PTPRD: variants seen among roughly 807,000 people sequenced by gnomAD.
PTPRD encodes the protein protein tyrosine phosphatase receptor type D.
A neutral mutation model predicts 214.5 loss-of-function variants in PTPRD; 34 were observed. That is an observed-to-expected ratio of 0.16 (90% CI 0.12 to 0.21). PTPRD has a LOEUF of 0.21. Among genes scored for constraint, PTPRD ranks in the 10% least tolerant of loss-of-function variants. The pLI is 1.00. For synonymous variants in PTPRD, 1,128 were observed against 845.7 expected (o/e 1.33, Z -5.79); for missense variants, 2,545 against 2,398.7 (o/e 1.06, Z -1.27).
intron 8 of PTPRD, among the ~76,000 whole-genome samples, chr9:9,438,855 T>C (rs111966292): frequency 6.6e-5 from 10 of 152,164 alleles, no homozygotes; most frequent in South Asian, 6.2e-4. Context: ...AAATGTATCA[T>C]TTGTATAAAT....
chr9:9,501,465 T>TTTA (rs1377956505), intron 8 of PTPRD, among the ~76,000 whole-genome samples: 3 of 151,846 alleles, frequency 2.0e-5, no homozygotes, highest in Non-Finnish European at 2.9e-5. Flanking sequence ...AGAGTTTAAA[T>TTTA]ATCTATAAAA....
chr9:9,031,049 G>A (rs542298292), intron 10 of PTPRD, among the ~76,000 whole-genome samples: 16 of 151,930 alleles, frequency 1.1e-4, no homozygotes, highest in Non-Finnish European at 1.8e-4. Flanking sequence ...TAAAATGGAC[G>A]TGGAAATAGG....
At chr9:8,999,412 G>C (rs563489467) in intron 11 of PTPRD, among the ~76,000 whole-genome samples, 8 of 152,146 alleles carry the variant, frequency 5.3e-5, no homozygotes, top group African/African-American at 1.7e-4. Context: ...CTTGCTGAAG[G>C]CTCAGATGAT....
chr9:9,770,257 C>T (rs1354015212), intron 5 of PTPRD, among the ~76,000 whole-genome samples: 4 of 152,222 alleles, frequency 2.6e-5, no homozygotes, highest in Admixed American at 6.5e-5. Context: ...TCTCCACATA[C>T]TTTCCAGAAT....
chr9:9,413,751 G>T (rs924787064), intron 8 of PTPRD, among the ~76,000 whole-genome samples: 10 of 152,172 alleles, frequency 6.6e-5, no homozygotes, highest in Non-Finnish European at 1.2e-4. Flanking sequence ...TAAAGCACAG[G>T]AGAGGGATAT....
chr9:10,553,368 G>C (rs1221516750), intron 2 of PTPRD, among the ~76,000 whole-genome samples: 2 of 149,440 alleles, frequency 1.3e-5, no homozygotes. Flanking sequence ...TTTACTTAAA[G>C]ATGTAATGGT....
At chr9:10,359,399 T>C (rs1324091922) in intron 2 of PTPRD, among the ~76,000 whole-genome samples, 1 of 152,072 alleles carries the variant, frequency 6.6e-6, no homozygotes, top group Non-Finnish European at 1.5e-5. Flanking sequence ...TTATTACATC[T>C]TTAAGTTGTT....
Position 8,988,027 on chromosome 9 carries a change from G to A in PTPRD, c.-104+30670C>T, listed in dbSNP as rs116771674. Among the ~76,000 whole-genome samples the A allele has an allele frequency of 4.4e-3, 662 of 152,068 alleles. 3 individuals are homozygous for A. Among genetic ancestry groups the A allele is most frequent in the African/African-American group, 0.015 (611 of 41,508 alleles). On this transcript the variant is annotated intron_variant, in intron 11 of 45. Coordinates refer to ENST00000381196, the MANE Select transcript of PTPRD (RefSeq NM_002839.4). ...TGAAAGCAAAAGGGAGAGAGAGGCCGGGGGAGATGTAAGGAGGAAGTTGGG... is the reference window on the plus strand; with the variant it reads ...TGAAAGCAAAAGGGAGAGAGAGGCCAGGGGAGATGTAAGGAGGAAGTTGGG...
chr9:10,329,256 G>C, intron 3 of PTPRD, among the ~76,000 whole-genome samples: 1 of 151,614 alleles, frequency 6.6e-6, no homozygotes, highest in Admixed American at 6.6e-5. Context: ...GTTGCTTTTT[G>C]TTTGCCTGTG....
chr9:9,947,864 A>G (rs1386963349), intron 4 of PTPRD, among the ~76,000 whole-genome samples: 1 of 150,898 alleles, frequency 6.6e-6, no homozygotes, highest in Non-Finnish European at 1.5e-5. Context: ...CATCCCTGAC[A>G]GTGAATATAT....
At chr9:10,060,577 A>C (rs2097743783) in intron 3 of PTPRD, among the ~76,000 whole-genome samples, 1 of 152,128 alleles carries the variant, frequency 6.6e-6, no homozygotes, top group South Asian at 2.1e-4. Context: ...TTTTTAATGT[A>C]CATAAAAGGG....
At chr9:8,337,403 G>C (rs1383631776) in intron 43 of PTPRD, among the ~76,000 whole-genome samples, 1 of 151,970 alleles carries the variant, frequency 6.6e-6, no homozygotes, top group Non-Finnish European at 1.5e-5. Context: ...TGAACAATGA[G>C]AACACACGGA....
chr9:8,784,662 G>A (rs535647683), intron 11 of PTPRD, among the ~76,000 whole-genome samples: 5 of 151,774 alleles, frequency 3.3e-5, no homozygotes, highest in African/African-American at 9.7e-5. Flanking sequence ...TTTTTAAAGC[G>A]TGAATAAATT....
chr9:9,821,068 G>A (rs2050542734), intron 5 of PTPRD, among the ~76,000 whole-genome samples: 1 of 152,166 alleles, frequency 6.6e-6, no homozygotes, highest in Non-Finnish European at 1.5e-5. Context: ...GCTTCGGGCA[G>A]TATGTCCATT....
At chr9:9,848,904 A>C (rs182484382) in intron 5 of PTPRD, among the ~76,000 whole-genome samples, 7 of 152,178 alleles carry the variant, frequency 4.6e-5, no homozygotes, top group Non-Finnish European at 8.8e-5. Context: ...AAAATCAATT[A>C]ATAAAAAATG....
chr9:8,445,605 C>T (rs1299765428), intron 34 of PTPRD, among the ~76,000 whole-genome samples: 1 of 152,104 alleles, frequency 6.6e-6, no homozygotes, highest in Non-Finnish European at 1.5e-5. Context: ...ATAGATTGGT[C>T]CTAACACTAT....
intron 11 of PTPRD, among the ~76,000 whole-genome samples, chr9:8,772,279 T>A (rs898206980): frequency 6.6e-6 from 1 of 152,148 alleles, no homozygotes; most frequent in African/African-American, 2.4e-5. Context: ...TAACTCATCT[T>A]CTCTAATTTT....
At chr9:9,617,620 G>T (rs1412562209) in intron 7 of PTPRD, among the ~76,000 whole-genome samples, 1 of 152,038 alleles carries the variant, frequency 6.6e-6, no homozygotes, top group African/African-American at 2.4e-5. Context: ...CATGAAAAAA[G>T]AAGTCTCTTT....
intron 9 of PTPRD, among the ~76,000 whole-genome samples, chr9:9,198,965 T>G (rs571296139): frequency 2.0e-4 from 31 of 152,272 alleles, no homozygotes; most frequent in Non-Finnish European, 4.0e-4. Context: ...TTTCAGGAAA[T>G]TCTCAGCCAT....
Sources: allele counts gnomAD v4.1 joint callset (sites outside exome capture counted in the v4.1 genomes callset), GRCh38; gene constraint gnomAD v4.1.1; transcripts MANE v1.5; gene names NCBI Gene and HGNC (gene_info 2026-07-23, HGNC 2026-07-21).